Variants in RAI14 observed in about 807,000 individuals in gnomAD.
RAI14 encodes ankycorbin.
In RAI14, 45 loss-of-function variants were observed where a neutral mutation model predicts 115.4. The ratio of observed to expected loss-of-function variants is 0.39; its 90% CI spans 0.31 to 0.50. The LOEUF is 0.50. Among genes scored for constraint, RAI14 ranks in the 20% least tolerant of loss-of-function variants. The probability of loss-of-function intolerance (pLI) is 0.85; values close to 1 mark genes in which losing one functional copy is unlikely to be tolerated. For synonymous variants in RAI14, 371 were observed against 415.4 expected (o/e 0.89, Z 1.30); for missense variants, 939 against 1,131.2 (o/e 0.83, Z 2.44).
rs76844828 is a variant in RAI14, at chr5:34,741,658, A to C, written c.37-15810A>C. On this transcript the variant is annotated intron_variant, in intron 2 of 17. Transcript: ENST00000265109. Reference sequence around the variant, plus strand: ...CAGAGGGAGCGCTGGGCAAAGAGGGATTTAAGGTTTGAAACTGGATTAAGA... The same window carrying C: ...CAGAGGGAGCGCTGGGCAAAGAGGGCTTTAAGGTTTGAAACTGGATTAAGA... Among the ~76,000 whole-genome samples the C allele has an allele frequency of 4.9e-4, 74 of 152,260 alleles. No individual in the cohort carries two copies. In the East Asian group the frequency reaches 0.013, roughly 27 times the overall value.
At position 34,716,137 on chromosome 5, in the gene RAI14, A is replaced by G. The variant is rs527311018; in HGVS notation, c.36+29182A>G. 274 of 425,014 alleles carry G rather than the reference A, an allele frequency of 6.4e-4. 3 individuals are homozygous for G. The highest frequency in any genetic ancestry group is 4.6e-3 in the South Asian group (269 of 57,878). The allele number at this position is 425,014 out of a possible 1,614,324, so 26.3% of individuals were successfully genotyped here. On this transcript the variant is annotated intron_variant, in intron 2 of 17. Coordinates refer to ENST00000265109, the MANE Select transcript of RAI14 (RefSeq NM_015577.3). ...AGTTATTTGTGGCAAAAGACAAGGCAAATAGGCAAATATTCGGTATTATAA... is the reference window on the plus strand; with the variant it reads ...AGTTATTTGTGGCAAAAGACAAGGCGAATAGGCAAATATTCGGTATTATAA...
At chr5:34,759,932 C>G (rs1325629098) in intron 3 of RAI14, among the ~76,000 whole-genome samples, 1 of 152,160 alleles carries the variant, frequency 6.6e-6, no homozygotes, top group Admixed American at 6.5e-5. Context: ...TAAAGCCAGT[C>G]ACCTACCCTG....
intron 2 of RAI14, among the ~76,000 whole-genome samples, chr5:34,751,551 C>G (rs1001169590): frequency 6.6e-6 from 1 of 152,114 alleles, no homozygotes; most frequent in Non-Finnish European, 1.5e-5. Context: ...TTGTGTGTGT[C>G]TTGCTTCTTT....
intron 2 of RAI14, among the ~76,000 whole-genome samples, chr5:34,735,094 G>A (rs1744701870): frequency 6.6e-6 from 1 of 152,328 alleles, no homozygotes; most frequent in Non-Finnish European, 1.5e-5. Context: ...GAATGTTGAT[G>A]CAGCTCTTTA....
chr5:34,679,300 C>T (rs1285623451), intron 1 of RAI14, among the ~76,000 whole-genome samples: 2 of 152,214 alleles, frequency 1.3e-5, no homozygotes, highest in Admixed American at 6.5e-5. Context: ...GTCTGTGTTT[C>T]CAGCGTAACC....
intron 2 of RAI14, among the ~76,000 whole-genome samples, chr5:34,743,939 G>A (rs1321315222): frequency 6.6e-6 from 1 of 152,220 alleles, no homozygotes; most frequent in Non-Finnish European, 1.5e-5. Flanking sequence ...TAAAGGGCAT[G>A]ATCAGGACAG....
chr5:34,781,541 A>C (rs770875056), intron 3 of RAI14, among the ~76,000 whole-genome samples: 18 of 152,188 alleles, frequency 1.2e-4, no homozygotes, highest in Non-Finnish European at 2.1e-4. Flanking sequence ...TTACATCTGG[A>C]CATTTAGGTT....
intron 2 of RAI14, among the ~76,000 whole-genome samples, chr5:34,701,988 A>G (rs1579959316): frequency 6.6e-6 from 1 of 151,802 alleles, no homozygotes; most frequent in East Asian, 1.9e-4. Flanking sequence ...AATTTTTTGT[A>G]TTTTTAGTAG....
At chr5:34,814,698 A>G in intron 12 of RAI14, 29 bp downstream of exon 12, 1 of 1,518,902 alleles carries the variant, frequency 6.6e-7, no homozygotes, top group Non-Finnish European at 9.1e-7. Flanking sequence ...CAGTTTTGTT[A>G]CTGTATTTTA....
At chr5:34,822,275 A>AT (rs1756937994) in intron 14 of RAI14, among the ~76,000 whole-genome samples, 10 of 76,616 alleles carry the variant, frequency 1.3e-4, no homozygotes, top group South Asian at 1.2e-3. Context: ...TATATATATA[A>AT]AATATTATCC....
intron 9 of RAI14, 62 bp from the exon 10 acceptor site, chr5:34,812,118 C>T (rs1755674778): frequency 2.1e-6 from 3 of 1,460,312 alleles, no homozygotes; most frequent in Non-Finnish European, 2.8e-6. Context: ...TATCCCCCCA[C>T]CCAAAGTGAA....
intron 2 of RAI14, among the ~76,000 whole-genome samples, chr5:34,752,852 C>G (rs1456345408): frequency 6.6e-6 from 1 of 150,686 alleles, no homozygotes; most frequent in Non-Finnish European, 1.5e-5. Flanking sequence ...ACTGCAACCT[C>G]CACCTCCCGG....
At chr5:34,759,908 C>T (rs1329933649) in intron 3 of RAI14, among the ~76,000 whole-genome samples, 1 of 152,156 alleles carries the variant, frequency 6.6e-6, no homozygotes, top group Non-Finnish European at 1.5e-5. Context: ...ACCCAGCCCA[C>T]AGTGAGCGCT....
Position 34,821,739 on chromosome 5 carries a change from T to C in RAI14, c.1002T>C (p.Asp334=). The stretch of plus-strand genomic sequence containing the variant: ...GGCTTTCTCTTTCCCAAGGTGCTGA[T>C]AGCTTATTGGATATAAGTTCTGAAG... ...DRLSDSTTGA[D]SLLDISSEAD... is the part of the protein sequence containing the mutation. The change falls in exon 14 of 18, where the codon GAT becomes GAC. Residue 334 remains aspartate, a synonymous_variant. Coordinates refer to ENST00000265109, the MANE Select transcript of RAI14 (RefSeq NM_015577.3). The C allele has an allele frequency of 6.3e-7, 1 of 1,589,298 alleles. No individual in the cohort carries two copies. The highest frequency in any genetic ancestry group is 8.6e-7 in the Non-Finnish European group (1 of 1,158,308).
intron 1 of RAI14, chr5:34,686,265 A>G (rs1245729984): frequency 1.3e-5 from 2 of 149,768 alleles, no homozygotes; most frequent in African/African-American, 4.9e-5. Context: ...GAACTCACTG[A>G]TATAGAAATC....
chr5:34,666,113 T>C (rs1743189053), intron 1 of RAI14, among the ~76,000 whole-genome samples: 1 of 152,210 alleles, frequency 6.6e-6, no homozygotes, highest in Admixed American at 6.5e-5. Flanking sequence ...CTTCAGCTTT[T>C]GGTGGCAGCA....
At chr5:34,740,938 T>C (rs1033967391) in intron 2 of RAI14, among the ~76,000 whole-genome samples, 2 of 152,236 alleles carry the variant, frequency 1.3e-5, no homozygotes, top group Non-Finnish European at 2.9e-5. Flanking sequence ...GCCTGAAATA[T>C]ACTAAACTAT....
At chr5:34,757,953 G>A (rs541273392) in intron 3 of RAI14, 1 of 163,214 alleles carries the variant, frequency 6.1e-6, no homozygotes, top group Non-Finnish European at 1.3e-5. Context: ...TAAACTACTT[G>A]TTTATTTATT....
intron 12 of RAI14, 101 bp from the exon 13 acceptor site, chr5:34,818,696 C>A: frequency 1.1e-6 from 1 of 882,520 alleles, no homozygotes; most frequent in Non-Finnish European, 1.8e-6. Flanking sequence ...AGGATCATAC[C>A]AGATCTGCTC....
Sources: gnomAD v4.1 joint callset for allele counts (sites outside exome capture counted in the v4.1 genomes callset) on GRCh38, gnomAD v4.1.1 for gene constraint, MANE v1.5 for transcripts, NCBI Gene and HGNC (gene_info 2026-07-23, HGNC 2026-07-21) for gene names.